The following TTC19 variants were observed in gnomAD, a reference collection of about 807,000 sequenced individuals.
The protein encoded by TTC19 is tetratricopeptide repeat protein 19, mitochondrial.
TTC19 carries 38 observed loss-of-function variants against 49.5 expected under a neutral mutation model. The ratio of observed to expected loss-of-function variants is 0.77; its 90% CI spans 0.59 to 1.01. The LOEUF (loss-of-function observed/expected upper bound fraction) is 1.01, where lower values mean the gene tolerates loss of function less well. Ranked by LOEUF, TTC19 falls within the 50% of genes least tolerant of loss-of-function variation. TTC19 has a pLI of 0.00. For synonymous variants in TTC19, 204 were observed against 185.2 expected (o/e 1.10, Z -0.83); for missense variants, 475 against 477.7 (o/e 0.99, Z 0.05).
intron 4 of TTC19, 109 bp downstream of exon 4, chr17:16,002,940 T>C (rs893893652): frequency 2.9e-6 from 3 of 1,018,346 alleles, no homozygotes; most frequent in Admixed American, 3.7e-5. Context: ...CCCTAGAATA[T>C]AGTGACTCAA....
intron 2 of TTC19, chr17:16,040,585 CT>C: frequency 1.9e-6 from 2 of 1,079,786 alleles, no homozygotes; most frequent in Non-Finnish European, 1.4e-6. Flanking sequence ...TAAAATTAAT[CT>C]TTTTATTTTT....
At chr17:16,005,722 G>A (rs759141150) in intron 6 of TTC19, among the ~76,000 whole-genome samples, 8 of 152,178 alleles carry the variant, frequency 5.3e-5, no homozygotes, top group Non-Finnish European at 7.4e-5. Context: ...GAGACTTATA[G>A]CTTGAAAGAA....
At chr17:16,032,068 TTA>T (rs1345347575), downstream of TTC19, 1 of 495,348 alleles carries the variant, frequency 2.0e-6, no homozygotes, top group Non-Finnish European at 3.5e-6. Context: ...TCCACTATTA[TTA>T]TAGTCCACTG....
intron 2 of TTC19, chr17:16,040,514 C>A: frequency 6.2e-7 from 1 of 1,609,216 alleles, no homozygotes; most frequent in Non-Finnish European, 8.5e-7. Context: ...AGCAAACATT[C>A]AAGTTAATTA....
At chr17:16,030,285 G>C, downstream of TTC19, 1 of 225,336 alleles carries the variant, frequency 4.4e-6, no homozygotes, top group East Asian at 6.4e-5. Flanking sequence ...GAAGGGGTTG[G>C]TCTTGCTATC....
At chr17:16,032,181 GA>G, downstream of TTC19, 1 of 1,061,684 alleles carries the variant, frequency 9.4e-7, no homozygotes, top group Non-Finnish European at 1.3e-6. Flanking sequence ...TGGCTCTCCT[GA>G]AAAGTCTCAG....
chr17:16,016,101 T>G (rs1022884929), intron 7 of TTC19, among the ~76,000 whole-genome samples: 1 of 152,194 alleles, frequency 6.6e-6, no homozygotes, highest in African/African-American at 2.4e-5. Flanking sequence ...TCTGGTCCCT[T>G]AGGTGGGAGA....
Position 16,028,908 on chromosome 17 carries a change from A to AAACT in TTC19, c.*1388_*1391dup, listed in dbSNP as rs1971720149. 2.4e-6 allele frequency: 1 copy of AAACT among 423,024 alleles called. No homozygotes were observed. The highest frequency in any genetic ancestry group is 2.9e-5 in the Admixed American group (1 of 34,728). The allele number at this position is 423,024 out of a possible 1,614,324, so 26.2% of individuals were successfully genotyped here. ...GTCCAAATCCTCAGGGATTAGACTAAAACTAGAGTTTTGTATGTTGCAGAT... is the reference window on the plus strand; with the variant it reads ...GTCCAAATCCTCAGGGATTAGACTAAAACTAACTAGAGTTTTGTATGTTGCAGAT... On this transcript the variant is annotated 3_prime_UTR_variant, in exon 10 of 10. Transcript: ENST00000261647.
chr17:16,000,026 C>T lies in TTC19; in HGVS notation c.178C>T (p.Leu60=). The change falls in exon 1 of 10, where the codon CTG becomes TTG. Residue 60 remains leucine (L), a synonymous_variant. Coordinates refer to ENST00000261647, the MANE Select transcript of TTC19 (RefSeq NM_017775.4). ...HGRGPGLLPL[L]AALAWFSRPA... is the part of the protein sequence containing the mutation. Reference sequence around the variant, plus strand: ...CCGGGGCCCAGGCCTGCTGCCGCTGCTGGCAGGTGAGGGGCGCGGGCCGGG... The same window carrying T: ...CCGGGGCCCAGGCCTGCTGCCGCTGTTGGCAGGTGAGGGGCGCGGGCCGGG... 5 of 1,242,752 alleles carry T rather than the reference C, an allele frequency of 4.0e-6. No homozygotes were observed. Among genetic ancestry groups the T allele is most frequent in the Non-Finnish European group, 5.0e-6 (5 of 995,988 alleles). 77.0% of individuals were successfully genotyped at this position (1,242,752 alleles called of 1,614,324 possible). A position where few individuals can be genotyped will look rare whatever the true frequency, so the allele number is the denominator to read the frequency against.
rs1272953061 is a variant in TTC19, at chr17:16,027,456, C to T, written c.1077C>T (p.His359=). The T allele has an allele frequency of 6.2e-7, 1 of 1,614,104 alleles. No individual in the cohort carries two copies. The highest frequency in any genetic ancestry group is 1.3e-5 in the African/African-American group (1 of 75,044). The change falls in exon 10 of 10, where the codon CAC becomes CAT. Residue 359 remains histidine, a synonymous_variant. Transcript: ENST00000261647. ...AAAAAGATGAAATTTCTGTACAACA[C>T]ATCAGGGAAGAGTTGGCTGAGCTGT... ...KLKKDEISVQ[H]IREELAELSK... is the part of the protein sequence containing the mutation.
intron 2 of TTC19, among the ~76,000 whole-genome samples, chr17:16,037,550 A>AC (rs1328859044): frequency 6.6e-6 from 1 of 152,236 alleles, no homozygotes; most frequent in Non-Finnish European, 1.5e-5. Flanking sequence ...AATTTCTGGG[A>AC]CATCAAGCCT....
intron 2 of TTC19, chr17:16,044,450 G>GGA (rs765692220): frequency 4.2e-6 from 2 of 472,206 alleles, no homozygotes; most frequent in Non-Finnish European, 4.4e-6. Flanking sequence ...GACAGGATCA[G>GGA]GAGACTAGTA....
At chr17:16,000,090 C>A in intron 1 of TTC19, 28 bp from the exon 2 acceptor site, 1 of 1,458,522 alleles carries the variant, frequency 6.9e-7, no homozygotes, top group Non-Finnish European at 9.0e-7. Context: ...CGGGCCGGGC[C>A]CGATGACCTC....
intron 7 of TTC19, among the ~76,000 whole-genome samples, chr17:16,011,047 T>C (rs1390535818): frequency 2.6e-5 from 4 of 152,246 alleles, no homozygotes; most frequent in Admixed American, 2.0e-4. Context: ...TTGTTATGTA[T>C]ATGCCAGATT....
chr17:16,036,962 C>T (rs1293186419), intron 2 of TTC19, among the ~76,000 whole-genome samples: 1 of 152,266 alleles, frequency 6.6e-6, no homozygotes, highest in Non-Finnish European at 1.5e-5. Flanking sequence ...TTCAGCCTGT[C>T]TTGGCTTTCA....
chr17:16,013,916 A>G (rs2151663179), intron 7 of TTC19, among the ~76,000 whole-genome samples: 1 of 152,360 alleles, frequency 6.6e-6, no homozygotes, highest in Non-Finnish European at 1.5e-5. Context: ...CAGCTAAATT[A>G]GGTTTAACAG....
At chr17:16,031,017 A>G (rs1172783076), downstream of TTC19, 1 of 196,022 alleles carries the variant, frequency 5.1e-6, no homozygotes, top group African/African-American at 2.3e-5. Flanking sequence ...CTTAAATGCT[A>G]TGATAAATTG....
intron 2 of TTC19, chr17:16,040,396 G>A: frequency 1.3e-6 from 2 of 1,554,704 alleles, no homozygotes; most frequent in Non-Finnish European, 8.9e-7. Context: ...ACTGACTACT[G>A]CTGTGCCAAT....
At chr17:16,021,011 C>A (rs1191740334) in intron 7 of TTC19, among the ~76,000 whole-genome samples, 1 of 146,146 alleles carries the variant, frequency 6.8e-6, no homozygotes, top group Non-Finnish European at 1.5e-5. Context: ...TCTATTTGTT[C>A]ATTCATTCAA....
Sources: allele counts gnomAD v4.1 joint callset (sites outside exome capture counted in the v4.1 genomes callset), GRCh38; gene constraint gnomAD v4.1.1; transcripts MANE v1.5; gene names NCBI Gene and HGNC (gene_info 2026-07-23, HGNC 2026-07-21).